MFSD1: variants seen among roughly 807,000 people sequenced by gnomAD.
The protein encoded by MFSD1 is lysosomal dipeptide transporter MFSD1.
MFSD1 carries 59 observed loss-of-function variants against 67.1 expected under a neutral mutation model. The observed-to-expected ratio is 0.88, with a 90% CI of 0.71 to 1.09. The LOEUF (loss-of-function observed/expected upper bound fraction) is 1.09. Ranked by LOEUF, MFSD1 falls within the 50% of genes least tolerant of loss-of-function variation. MFSD1 has a pLI of 0.00. For missense variants in MFSD1, 552 were observed against 566.1 expected (o/e 0.97, Z 0.25); for synonymous variants, 213 against 200.3 (o/e 1.06, Z -0.54).
At chr3:158,826,468 AT>A (rs947576790) in intron 14 of MFSD1, among the ~76,000 whole-genome samples, 11 of 151,520 alleles carry the variant, frequency 7.3e-5, no homozygotes, top group African/African-American at 2.2e-4. Flanking sequence ...GAAATTACAG[AT>A]TTTTTTTCTT....
intron 7 of MFSD1, among the ~76,000 whole-genome samples, chr3:158,814,578 C>T (rs998323894): frequency 3.3e-5 from 5 of 152,096 alleles, no homozygotes; most frequent in Admixed American, 6.5e-5. Flanking sequence ...ACTTCTGCCT[C>T]CCAGAGTGCT....
At chr3:158,811,856 A>G (rs1010441899) in intron 6 of MFSD1, among the ~76,000 whole-genome samples, 2 of 152,260 alleles carry the variant, frequency 1.3e-5, no homozygotes, top group African/African-American at 4.8e-5. Flanking sequence ...ACCTACTGGA[A>G]GCTTTCTCTA....
At chr3:158,820,087 G>GA (rs1730595531) in intron 8 of MFSD1, 128 bp from the exon 9 acceptor site, 1 of 592,748 alleles carries the variant, frequency 1.7e-6, no homozygotes, top group East Asian at 2.8e-5. Context: ...TAATTTACTA[G>GA]AAAAGTATTT....
intron 9 of MFSD1, among the ~76,000 whole-genome samples, chr3:158,821,163 G>A (rs1730648730): frequency 6.6e-6 from 1 of 151,834 alleles, no homozygotes; most frequent in Non-Finnish European, 1.5e-5. Context: ...ATTGGCAGCT[G>A]CTTAAGCAGC....
chr3:158,802,625 G>C (rs1729517126), intron 1 of MFSD1: 3 of 627,106 alleles, frequency 4.8e-6, no homozygotes, highest in African/African-American at 1.8e-5. Flanking sequence ...GGTAACTCCA[G>C]ATTTTCAAGG....
rs1448470539 is a variant in MFSD1, at chr3:158,802,266, C to T, written c.114C>T (p.Arg38=). Residue 38 remains arginine (R), a synonymous_variant, in exon 1 of 16, where the codon CGC becomes CGT. Coordinates refer to ENST00000415822, the MANE Select transcript of MFSD1 (RefSeq NM_022736.4). ...TGCCGGCCCTCTGCGACCCCAGTCG[C>T]CTGGCGCACCGGCTTTTGGTGCTGT... ...GALPALCDPS[R]LAHRLLVLLL... 1.9e-6 allele frequency: 3 copies of T among 1,611,350 alleles called. No individual in the cohort carries two copies. The highest frequency in any genetic ancestry group is 2.7e-5 in the African/African-American group (2 of 74,772).
At chr3:158,805,090 GT>G (rs1280860500) in intron 2 of MFSD1, among the ~76,000 whole-genome samples, 1 of 152,168 alleles carries the variant, frequency 6.6e-6, no homozygotes, top group East Asian at 1.9e-4. Flanking sequence ...GTAGCAGGGT[GT>G]CTGATCCTGG....
Position 158,823,513 on chromosome 3 carries a change from C to A in MFSD1, c.1163C>A (p.Thr388Asn). The A allele has an allele frequency of 6.2e-7, 1 of 1,608,902 alleles. No individual in the cohort carries two copies. Among genetic ancestry groups the A allele is most frequent in the East Asian group, 2.2e-5 (1 of 44,864 alleles). Residue 388 changes from threonine to asparagine, a missense_variant, in exon 12 of 16, where the codon ACT becomes AAT. Thr to Asn is a moderately conservative substitution (Grantham distance 65). Coordinates refer to ENST00000415822, the MANE Select transcript of MFSD1 (RefSeq NM_022736.4). The stretch of plus-strand genomic sequence containing the variant: ...GTAGTTCCTGAACATCAGCTGGGAA[C>A]TGCATATGGCTTGTAAGTATTTACG... ...AFVVPEHQLG[T>N]AYGFMQSIQN...
chr3:158,813,252 A>G (rs1322097695), intron 6 of MFSD1, among the ~76,000 whole-genome samples: 6 of 151,416 alleles, frequency 4.0e-5, no homozygotes, highest in African/African-American at 1.5e-4. Context: ...GGTTCAAGCT[A>G]TTCTCCTGCC....
chr3:158,820,587 A>T (rs916375243), intron 9 of MFSD1, among the ~76,000 whole-genome samples: 4 of 152,192 alleles, frequency 2.6e-5, no homozygotes, highest in African/African-American at 9.6e-5. Flanking sequence ...CAGATAGGGT[A>T]ATTTATAAAG....
intron 6 of MFSD1, among the ~76,000 whole-genome samples, chr3:158,812,049 A>G: frequency 6.6e-6 from 1 of 152,248 alleles, no homozygotes; most frequent in East Asian, 1.9e-4. Context: ...ATGAGTTTTC[A>G]AGTAACAATA....
chr3:158,815,459 A>G (rs907481142), intron 7 of MFSD1, among the ~76,000 whole-genome samples: 3 of 151,280 alleles, frequency 2.0e-5, no homozygotes, highest in African/African-American at 4.9e-5. Flanking sequence ...TAAAATAGGC[A>G]TATAGAATTG....
At chr3:158,810,914 C>T (rs1271729670) in intron 6 of MFSD1, among the ~76,000 whole-genome samples, 2 of 152,016 alleles carry the variant, frequency 1.3e-5, no homozygotes, top group East Asian at 3.9e-4. Flanking sequence ...TTGTGCAAGT[C>T]CAGATATGTC....
chr3:158,814,548 T>G (rs1224643834), intron 7 of MFSD1, among the ~76,000 whole-genome samples: 1 of 151,992 alleles, frequency 6.6e-6, no homozygotes, highest in Non-Finnish European at 1.5e-5. Context: ...CTCGAACTCC[T>G]GACCTCAGGG....
At chr3:158,826,146 T>G (rs1730955644) in intron 14 of MFSD1, 84 bp downstream of exon 14, 2 of 1,034,218 alleles carry the variant, frequency 1.9e-6, no homozygotes, top group Non-Finnish European at 3.0e-6. Flanking sequence ...TGGGGGCCAG[T>G]GCTTTATTCC....
chr3:158,807,351 T>C, intron 4 of MFSD1, 45 bp from the exon 5 acceptor site: 1 of 1,478,664 alleles, frequency 6.8e-7, no homozygotes, highest in Non-Finnish European at 9.4e-7. Context: ...TTTAATACTT[T>C]GAATTTACTT....
chr3:158,809,392 A>C, intron 6 of MFSD1, 105 bp downstream of exon 6: 1 of 722,578 alleles, frequency 1.4e-6, no homozygotes, highest in Non-Finnish European at 2.2e-6. Context: ...ATGGTAAATT[A>C]GATATTAACT....
In MFSD1 at chr3:158,824,123, G is replaced by A. The variant is rs763810503; in HGVS notation, c.1176-1G>A. ...GTGTCTTTATATTTCTTCCATTGTAGCATGCAGTCCATTCAGAATCTTGGG... is the reference window on the plus strand; with the variant it reads ...GTGTCTTTATATTTCTTCCATTGTAACATGCAGTCCATTCAGAATCTTGGG... On this transcript the variant is annotated splice_acceptor_variant, in intron 12 of 15. Coordinates refer to ENST00000415822, the MANE Select transcript of MFSD1 (RefSeq NM_022736.4). LOFTEE classifies it high-confidence loss of function. 6.2e-7 allele frequency: 1 copy of A among 1,604,818 alleles called. No homozygotes were observed.
At chr3:158,817,971 T>C (rs544938875) in intron 7 of MFSD1, among the ~76,000 whole-genome samples, 8 of 152,208 alleles carry the variant, frequency 5.3e-5, no homozygotes, top group Non-Finnish European at 1.2e-4. Flanking sequence ...AACAAGACTA[T>C]ATAGGTCACT....
Sources: allele counts gnomAD v4.1 joint callset (sites outside exome capture counted in the v4.1 genomes callset), GRCh38; gene constraint gnomAD v4.1.1; transcripts MANE v1.5; gene names NCBI Gene and HGNC (gene_info 2026-07-23, HGNC 2026-07-21).